Variants in OPN3 observed in about 807,000 individuals in gnomAD.
OPN3 encodes the protein opsin-3.
OPN3 carries 29 observed loss-of-function variants against 33.8 expected under a neutral mutation model. The ratio of observed to expected loss-of-function variants is 0.86; its 90% CI spans 0.64 to 1.17. OPN3 has a LOEUF of 1.17. Ranked by LOEUF, OPN3 falls within the 50% of genes most tolerant of loss-of-function variation. The probability of loss-of-function intolerance (pLI) is 0.00; values close to 1 mark genes in which losing one functional copy is unlikely to be tolerated. For missense variants in OPN3, 437 were observed against 514.1 expected (o/e 0.85, Z 1.45); for synonymous variants, 216 against 216.1 (o/e 1.00, Z 0.00).
At chr1:241,635,519 G>A (rs1664860829) in intron 1 of OPN3, 23 of 1,613,922 alleles carry the variant, frequency 1.4e-5, no homozygotes, top group Non-Finnish European at 1.9e-5. Context: ...GGCTTCTTCT[G>A]TTTCATGGAT....
intron 1 of OPN3, among the ~76,000 whole-genome samples, chr1:241,619,623 C>T (rs1021933602): frequency 1.3e-5 from 2 of 152,176 alleles, no homozygotes; most frequent in Non-Finnish European, 2.9e-5. Context: ...TGAGGTTCAC[C>T]CTGGCCTCAC....
At chr1:241,631,880 C>G (rs1664648869) in intron 1 of OPN3, 2 of 152,166 alleles carry the variant, frequency 1.3e-5, no homozygotes, top group South Asian at 2.1e-4. Flanking sequence ...CCTACACTCT[C>G]TAACAGTGAA....
At chr1:241,635,596 G>A (rs774646424) in intron 1 of OPN3, 1 of 1,614,098 alleles carries the variant, frequency 6.2e-7, no homozygotes, top group Non-Finnish European at 8.5e-7. Flanking sequence ...CCTTCAACCA[G>A]GATAGCAATC....
chr1:241,638,478 G>A (rs1664988089), intron 1 of OPN3, among the ~76,000 whole-genome samples: 1 of 152,218 alleles, frequency 6.6e-6, no homozygotes, highest in Non-Finnish European at 1.5e-5. Context: ...ACAAACACCT[G>A]TTGACTACCC....
intron 1 of OPN3, among the ~76,000 whole-genome samples, chr1:241,617,122 C>G (rs1482885354): frequency 6.6e-6 from 1 of 152,132 alleles, no homozygotes; most frequent in African/African-American, 2.4e-5. Context: ...AGGAAAGTCT[C>G]ATCGTCCCCA....
chr1:241,606,372 T>C (rs1181913238), intron 1 of OPN3, among the ~76,000 whole-genome samples: 1 of 151,920 alleles, frequency 6.6e-6, no homozygotes, highest in Non-Finnish European at 1.5e-5. Flanking sequence ...GGCGAAACCC[T>C]GTCTCTACTA....
At chr1:241,606,797 C>T (rs1303806481) in intron 1 of OPN3, among the ~76,000 whole-genome samples, 1 of 152,088 alleles carries the variant, frequency 6.6e-6, no homozygotes, top group African/African-American at 2.4e-5. Context: ...TAAGACTGGT[C>T]TCCTGAGAAG....
intron 1 of OPN3, chr1:241,633,796 C>G: frequency 6.2e-7 from 1 of 1,613,010 alleles, no homozygotes; most frequent in Non-Finnish European, 8.5e-7. Flanking sequence ...TTGCTCTTTT[C>G]TAATTTTGAA....
At chr1:241,636,353 A>G (rs557697785) in intron 1 of OPN3, among the ~76,000 whole-genome samples, 2 of 152,372 alleles carry the variant, frequency 1.3e-5, no homozygotes, top group Admixed American at 6.5e-5. Context: ...CTCTAACTTT[A>G]GCTTTTAAGA....
intron 3 of OPN3, 69 bp downstream of exon 3, chr1:241,597,677 A>G (rs541532037): frequency 5.4e-6 from 8 of 1,486,718 alleles, no homozygotes; most frequent in Middle Eastern, 1.9e-4. Flanking sequence ...TCACCTCTGT[A>G]AAAGTATTAC....
intron 2 of OPN3, among the ~76,000 whole-genome samples, chr1:241,598,361 T>G (rs918735427): frequency 6.6e-6 from 1 of 152,190 alleles, no homozygotes; most frequent in African/African-American, 2.4e-5. Context: ...AATTTCCCTG[T>G]GATCCTGGAA....
At chr1:241,630,125 T>C (rs1664570667) in intron 1 of OPN3, 1 of 152,076 alleles carries the variant, frequency 6.6e-6, no homozygotes, top group Non-Finnish European at 1.5e-5. Flanking sequence ...AATAATTCTG[T>C]GAAGTATTTC....
Position 241,640,221 on chromosome 1 carries a change from A to G in OPN3, c.34T>C (p.Tyr12His). Residue 12 changes from tyrosine to histidine, a missense_variant, in exon 1 of 4, where the codon TAC becomes CAC. Physicochemically the swap from Tyr to His is moderately conservative, Grantham distance 83. Transcript: ENST00000366554. ...CCCGCGGCCCCGCCGCCGTCCCAGT[A>G]GCCGTGGCCGCCGCTGCGGTTCCCC... is the stretch of plus-strand genomic sequence containing the variant. ...YSGNRSGGHG[Y>H]WDGGGAAGAE... The G allele has an allele frequency of 7.5e-7, 1 of 1,332,602 alleles. No individual in the cohort carries two copies. Among genetic ancestry groups the G allele is most frequent in the South Asian group, 2.0e-5 (1 of 49,786 alleles). 82.5% of individuals were successfully genotyped at this position (1,332,602 alleles called of 1,614,324 possible).
chr1:241,605,796 C>T (rs1249039736), intron 1 of OPN3, among the ~76,000 whole-genome samples: 3 of 152,182 alleles, frequency 2.0e-5, no homozygotes, highest in Non-Finnish European at 2.9e-5. Flanking sequence ...GGTCTATAAA[C>T]GATGATTCAA....
intron 3 of OPN3, among the ~76,000 whole-genome samples, chr1:241,596,502 G>C (rs759391094): frequency 6.6e-6 from 1 of 152,162 alleles, no homozygotes; most frequent in Non-Finnish European, 1.5e-5. Context: ...AGTTTATGGA[G>C]AGTGTAAGCC....
In OPN3 at chr1:241,597,839, G is replaced by A; in HGVS notation, c.852C>T (p.His284=). 6.2e-7 allele frequency: 1 copy of A among 1,613,830 alleles called. No homozygotes were observed. Among genetic ancestry groups the A allele is most frequent in the South Asian group, 1.1e-5 (1 of 91,052 alleles). Residue 284 remains histidine, a synonymous_variant, in exon 3 of 4, where the codon CAC becomes CAT. Transcript: ENST00000366554. ...ICFLVVNGHG[H]LVTPTISIVS... Reference sequence around the variant, plus strand: ...CAATAGATATTGTTGGAGTGACCAGGTGACCATGACCATTAACCACCAAGA... The same window carrying A: ...CAATAGATATTGTTGGAGTGACCAGATGACCATGACCATTAACCACCAAGA...
At chr1:241,630,425 T>C (rs1233378458) in intron 1 of OPN3, 1 of 152,130 alleles carries the variant, frequency 6.6e-6, no homozygotes, top group African/African-American at 2.4e-5. Flanking sequence ...CTTTTTAAAT[T>C]GCAGTTTGTC....
intron 1 of OPN3, among the ~76,000 whole-genome samples, chr1:241,607,439 C>T (rs1239646213): frequency 6.6e-6 from 1 of 151,800 alleles, no homozygotes; most frequent in African/African-American, 2.4e-5. Context: ...GCTTGAACCT[C>T]GGAGACAGAG....
intron 1 of OPN3, among the ~76,000 whole-genome samples, chr1:241,612,823 T>C (rs12073325): frequency 0.016 from 2,483 of 152,256 alleles, 64 homozygotes; most frequent in African/African-American, 0.056. Context: ...ATCCTGATGA[T>C]TTCATCCTCC....
Sources: gnomAD v4.1 joint callset for allele counts (sites outside exome capture counted in the v4.1 genomes callset) on GRCh38, gnomAD v4.1.1 for gene constraint, MANE v1.5 for transcripts, NCBI Gene and HGNC (gene_info 2026-07-23, HGNC 2026-07-21) for gene names.